TLR7: variants seen among roughly 807,000 people sequenced by gnomAD.
TLR7 encodes toll-like receptor 7.
A neutral mutation model predicts 38.3 loss-of-function variants in TLR7; 12 were observed. The ratio of observed to expected loss-of-function variants is 0.31; its 90% CI spans 0.20 to 0.51. The LOEUF is 0.51. Ranked by LOEUF, TLR7 falls within the 20% of genes least tolerant of loss-of-function variation. TLR7 has a pLI of 0.98. For synonymous variants in TLR7, 285 were observed against 293.8 expected, an observed-to-expected ratio of 0.97 and a Z score of 0.31; for missense variants, 504 against 743.4, an observed-to-expected ratio of 0.68 and a Z score of 3.74.
chrX:12,881,214 C>T (rs934316285), intron 2 of TLR7, among the ~76,000 whole-genome samples: 10 of 98,488 alleles, frequency 1.0e-4, no homozygotes, highest in African/African-American at 1.5e-4. Flanking sequence ...GCAATAAGAG[C>T]GAAACTCAGT....
At chrX:12,878,799 G>C (rs2042881773) in intron 2 of TLR7, among the ~76,000 whole-genome samples, 1 of 111,802 alleles carries the variant, frequency 8.9e-6, no homozygotes, top group African/African-American at 3.3e-5. Flanking sequence ...TCTTCAATCA[G>C]ATTTTTTGCC....
intron 2 of TLR7, among the ~76,000 whole-genome samples, chrX:12,873,195 C>G (rs928665573): frequency 8.9e-6 from 1 of 111,974 alleles, no homozygotes; most frequent in African/African-American, 3.3e-5. Flanking sequence ...ATGACTTTGT[C>G]CTTTCCTTGA....
chrX:12,875,177 C>T (rs894927671), intron 2 of TLR7, among the ~76,000 whole-genome samples: 7 of 111,535 alleles, frequency 6.3e-5, no homozygotes, highest in Non-Finnish European at 9.4e-5. Flanking sequence ...TACCTTTAGG[C>T]CTGACTTAGC....
chrX:12,888,455 G>T lies in TLR7; in HGVS notation c.2947G>T (p.Val983Phe). 8.3e-7 allele frequency: 1 copy of T among 1,211,597 alleles called. No homozygotes were observed. The highest frequency in any genetic ancestry group is 1.1e-6 in the Non-Finnish European group (1 of 895,392). ...LSHQRLMDEK[V>F]DVIILIFLEK... ...CCATCAGAGGCTCATGGATGAAAAA[G>T]TTGATGTGATTATCTTGATATTTCT... The change falls in exon 3 of 3, where the codon GTT becomes TTT. Residue 983 changes from valine (V) to phenylalanine (F), a missense_variant. Transcript: ENST00000380659.
chrX:12,871,589 C>T (rs5743733), intron 2 of TLR7, among the ~76,000 whole-genome samples: 6 of 111,924 alleles, frequency 5.4e-5, no homozygotes, highest in South Asian at 3.8e-4. Context: ...CTCGCTCACA[C>T]GTCTTGGCTC....
At position 12,886,206 on chromosome X, in the gene TLR7, A is replaced by C; in HGVS notation, c.698A>C (p.Tyr233Ser). Residue 233 changes from tyrosine (Y) to serine (S), a missense_variant, in exon 3 of 3, where the codon TAC (tyrosine) becomes TCC (serine). Physicochemically the swap from Tyr to Ser is moderately radical, Grantham distance 144 (BLOSUM62 -2). Coordinates refer to ENST00000380659, the MANE Select transcript of TLR7 (RefSeq NM_016562.4). The part of the protein sequence containing the change: ...LPSTLTELYL[Y>S]NNMIAKIQED... ...TCTACTTTAACAGAACTATATCTCTACAACAACATGATTGCAAAAATCCAA... is the reference window on the plus strand; with the variant it reads ...TCTACTTTAACAGAACTATATCTCTCCAACAACATGATTGCAAAAATCCAA... The C allele has an allele frequency of 8.3e-7, 1 of 1,211,635 alleles. No homozygotes were observed. The highest frequency in any genetic ancestry group is 1.1e-6 in the Non-Finnish European group (1 of 895,232).
At chrX:12,883,571 C>T (rs1173305294) in intron 2 of TLR7, among the ~76,000 whole-genome samples, 1 of 111,406 alleles carries the variant, frequency 9.0e-6, no homozygotes, top group East Asian at 2.8e-4. Flanking sequence ...AATTTCAGCA[C>T]TTTGGGAGGC....
intron 2 of TLR7, among the ~76,000 whole-genome samples, chrX:12,867,989 T>G (rs931298239): frequency 1.8e-5 from 2 of 112,536 alleles, no homozygotes; most frequent in African/African-American, 6.5e-5. Flanking sequence ...GGCAGGCTCA[T>G]AGCAATAAAA....
In TLR7 at chrX:12,887,621, G is replaced by A; in HGVS notation, c.2113G>A (p.Asp705Asn). 1.7e-6 allele frequency: 2 copies of A among 1,209,902 alleles called. No homozygotes were observed. Among genetic ancestry groups the A allele is most frequent in the Non-Finnish European group, 1.1e-6 (1 of 894,831 alleles). ...GTGTCTAAAGAACCTGGAAACTTTG[G>A]ACCTCAGCCACAACCAACTGACCAC... ...LQCLKNLETL[D>N]LSHNQLTTVP... Residue 705 changes from aspartate (D) to asparagine (N), a missense_variant, in exon 3 of 3, where the codon GAC becomes AAC. Coordinates refer to ENST00000380659, the MANE Select transcript of TLR7 (RefSeq NM_016562.4).
At chrX:12,870,189 C>T (rs1430166366) in intron 2 of TLR7, among the ~76,000 whole-genome samples, 1 of 111,290 alleles carries the variant, frequency 9.0e-6, no homozygotes, top group Non-Finnish European at 1.9e-5. Context: ...CTCATGAGGT[C>T]AAGTGATTTA....
chrX:12,867,992 C>T (rs1438719977), intron 2 of TLR7, among the ~76,000 whole-genome samples: 1 of 112,283 alleles, frequency 8.9e-6, no homozygotes, highest in Admixed American at 9.5e-5. Flanking sequence ...AGGCTCATAG[C>T]AATAAAATAC....
At position 12,887,195 on chromosome X, in the gene TLR7, G is replaced by C; in HGVS notation, c.1687G>C (p.Glu563Gln). 8.3e-7 allele frequency: 1 copy of C among 1,211,699 alleles called. No homozygotes were observed. Among genetic ancestry groups the C allele is most frequent in the East Asian group, 3.0e-5 (1 of 33,839 alleles). ...RLDLLHSTAFEELHKLEVLDI... is the reference protein window; with the variant it reads ...RLDLLHSTAFQELHKLEVLDI... Reference sequence around the variant, plus strand: ...TGATTTACTCCATTCAACAGCATTTGAAGAGCTTCACAAACTGGAAGTTCT... The same window carrying C: ...TGATTTACTCCATTCAACAGCATTTCAAGAGCTTCACAAACTGGAAGTTCT... The change falls in exon 3 of 3, where the codon GAA (glutamate) becomes CAA (glutamine). Residue 563 changes from glutamate (E) to glutamine (Q), a missense_variant. By Grantham distance (29) the Glu-to-Gln change is conservative. Transcript: ENST00000380659.
intron 2 of TLR7, among the ~76,000 whole-genome samples, chrX:12,875,220 A>G (rs899552865): frequency 5.4e-5 from 6 of 111,519 alleles, no homozygotes; most frequent in Non-Finnish European, 7.5e-5. Flanking sequence ...TTTTCTCACC[A>G]TAGATTTCCC....
At chrX:12,879,294 C>T (rs2042883446) in intron 2 of TLR7, among the ~76,000 whole-genome samples, 3 of 111,840 alleles carry the variant, frequency 2.7e-5, no homozygotes, top group African/African-American at 9.7e-5. Flanking sequence ...CTGAGTCTTC[C>T]CAATAGCCTG....
rs199567286 is a variant in TLR7 at position 12,886,273 on chromosome X, C to T, written c.765C>T (p.Asp255=). The change falls in exon 3 of 3, where the codon GAC becomes GAT. Residue 255 remains aspartate (D), a synonymous_variant. Transcript: ENST00000380659. ...FNNLNQLQIL[D]LSGNCPRCYN... is the part of the protein sequence containing the mutation. ...ACCTCAACCAATTACAAATTCTTGA[C>T]CTAAGTGGAAATTGCCCTCGTTGTT... 9.9e-6 allele frequency: 12 copies of T among 1,211,619 alleles called. No homozygotes were observed. In the South Asian group the frequency reaches 2.1e-4, roughly 21 times the overall value.
rs1192339986 is a variant in TLR7 at position 12,888,391 on chromosome X, T to C, written c.2883T>C (p.Tyr961=). The C allele has an allele frequency of 8.3e-7, 1 of 1,212,062 alleles. No homozygotes were observed. The highest frequency in any genetic ancestry group is 1.1e-6 in the Non-Finnish European group (1 of 895,576). Residue 961 remains tyrosine (Y), a synonymous_variant, in exon 3 of 3, where the codon TAT becomes TAC. Coordinates refer to ENST00000380659, the MANE Select transcript of TLR7 (RefSeq NM_016562.4). ...CAGTGTTTGTGATGACAGACAAGTA[T>C]GCAAAGACTGAAAATTTTAAGATAG... ...KKTVFVMTDK[Y]AKTENFKIAF...
intron 2 of TLR7, among the ~76,000 whole-genome samples, chrX:12,871,746 G>A (rs2042853642): frequency 9.0e-6 from 1 of 111,536 alleles, no homozygotes; most frequent in Non-Finnish European, 1.9e-5. Context: ...CTAACATGTT[G>A]TAGCCCAGGG....
At chrX:12,874,480 C>T (rs190213619) in intron 2 of TLR7, among the ~76,000 whole-genome samples, 1 of 111,417 alleles carries the variant, frequency 9.0e-6, no homozygotes, top group East Asian at 2.8e-4. Flanking sequence ...CAGCAGCAGC[C>T]TGAGGTTCCA....
At chrX:12,875,256 T>C (rs1425978991) in intron 2 of TLR7, among the ~76,000 whole-genome samples, 3 of 111,976 alleles carry the variant, frequency 2.7e-5, no homozygotes, top group Non-Finnish European at 5.6e-5. Context: ...AGTTCTGTGC[T>C]CAAGAGATAC....
Sources: allele counts gnomAD v4.1 joint callset (sites outside exome capture counted in the v4.1 genomes callset), GRCh38; gene constraint gnomAD v4.1.1; transcripts MANE v1.5; gene names NCBI Gene and HGNC (gene_info 2026-07-23, HGNC 2026-07-21).